Variants in LRRIQ1 observed in about 807,000 individuals in gnomAD.
The protein encoded by LRRIQ1 is leucine-rich repeat- and IQ domain-containing protein 1.
A neutral mutation model predicts 211.9 loss-of-function variants in LRRIQ1; 210 were observed. The observed-to-expected ratio is 0.99, with a 90% CI of 0.89 to 1.11. The LOEUF (loss-of-function observed/expected upper bound fraction) is 1.11, where lower values mean the gene tolerates loss of function less well. LRRIQ1 is among the 50% of genes most tolerant of loss of function. LRRIQ1 has a pLI of 0.00. For synonymous variants in LRRIQ1, 699 were observed against 650.1 expected, an observed-to-expected ratio of 1.08 and a Z score of -1.14; for missense variants, 2,136 against 1,939.5, an observed-to-expected ratio of 1.10 and a Z score of -1.90.
chr12:85,259,839 C>T (rs896223417), intron 1 of LRRIQ1, among the ~76,000 whole-genome samples: 8 of 151,954 alleles, frequency 5.3e-5, no homozygotes, highest in Middle Eastern at 6.9e-3. Flanking sequence ...TATAGGTTTA[C>T]GTTGTGAGTA....
chr12:85,130,481 T>G (rs1251244065), intron 18 of LRRIQ1, among the ~76,000 whole-genome samples: 1 of 152,210 alleles, frequency 6.6e-6, no homozygotes, highest in Admixed American at 6.5e-5. Context: ...GTTCATTACC[T>G]TATGAAGTAG....
At chr12:85,044,667 G>A in intron 3 of LRRIQ1, 51 bp from the exon 4 acceptor site, 1 of 895,328 alleles carries the variant, frequency 1.1e-6, no homozygotes, top group Non-Finnish European at 1.7e-6. Flanking sequence ...ATTTTGAGAT[G>A]TTGTATTGTA....
At chr12:85,081,705 C>CCTTTATT (rs1303758090) in intron 11 of LRRIQ1, among the ~76,000 whole-genome samples, 1 of 146,402 alleles carries the variant, frequency 6.8e-6, no homozygotes, top group African/African-American at 2.5e-5. Context: ...ATTTTTATGC[C>CCTTTATT]CTTTATTTCT....
chr12:85,047,430 A>T lies in LRRIQ1; in HGVS notation c.638A>T (p.Gln213Leu), dbSNP rs1293414664. The change falls in exon 6 of 27, where the codon CAA (glutamine) becomes CTA (leucine). Residue 213 changes from glutamine (Q) to leucine (L), a missense_variant. By Grantham distance (113) the Gln-to-Leu change is moderately radical (BLOSUM62 -2). Coordinates refer to ENST00000393217, the MANE Select transcript of LRRIQ1 (RefSeq NM_001079910.2). Reference sequence around the variant, plus strand: ...GAAAAGCGACATTGCTGGATGAAACAATTTAAAGTTGAAAAGAAGAAATTA... The same window carrying T: ...GAAAAGCGACATTGCTGGATGAAACTATTTAAAGTTGAAAAGAAGAAATTA... Reference protein sequence around the residue: ...EEEKRHCWMKQFKVEKKKLEN... With the variant: ...EEEKRHCWMKLFKVEKKKLEN... 6.2e-7 allele frequency: 1 copy of T among 1,613,104 alleles called. No individual in the cohort carries two copies. Among genetic ancestry groups the T allele is most frequent in the Non-Finnish European group, 8.5e-7 (1 of 1,179,576 alleles).
intron 24 of LRRIQ1, among the ~76,000 whole-genome samples, chr12:85,219,754 G>C (rs1894311986): frequency 6.6e-6 from 1 of 151,792 alleles, no homozygotes; most frequent in Non-Finnish European, 1.5e-5. Flanking sequence ...CATTTTTTCT[G>C]AGTGATCAAT....
intron 24 of LRRIQ1, among the ~76,000 whole-genome samples, chr12:85,188,840 C>A (rs1892352889): frequency 1.3e-5 from 2 of 152,086 alleles, no homozygotes; most frequent in African/African-American, 4.8e-5. Flanking sequence ...GCTTAAAGTT[C>A]TTTACTATCA....
At chr12:85,116,701 T>C (rs1887607926) in intron 15 of LRRIQ1, among the ~76,000 whole-genome samples, 1 of 152,124 alleles carries the variant, frequency 6.6e-6, no homozygotes, top group Non-Finnish European at 1.5e-5. Flanking sequence ...TTCCTCTCCC[T>C]CCTCCCACAC....
chr12:85,151,152 T>A lies in LRRIQ1; in HGVS notation c.4330-1128T>A, dbSNP rs578183159. Among the ~76,000 whole-genome samples, 4 of 151,598 alleles carry A rather than the reference T, an allele frequency of 2.6e-5. No individual in the cohort carries two copies. In the South Asian group the frequency reaches 6.2e-4, roughly 24 times the overall value. On this transcript the variant is annotated intron_variant, in intron 19 of 26. Coordinates refer to ENST00000393217, the MANE Select transcript of LRRIQ1 (RefSeq NM_001079910.2). The stretch of plus-strand genomic sequence containing the variant: ...ACTATGATATATATATATATGTATA[T>A]GTTAATATTCGCTACCTAGAAGAAA...
At chr12:85,071,130 G>T (rs2136097903) in intron 10 of LRRIQ1, among the ~76,000 whole-genome samples, 1 of 151,908 alleles carries the variant, frequency 6.6e-6, no homozygotes, top group South Asian at 2.1e-4. Context: ...GCATACTCAA[G>T]ATATTGTGCA....
At chr12:85,197,578 A>G (rs1164817087) in intron 24 of LRRIQ1, among the ~76,000 whole-genome samples, 1 of 151,276 alleles carries the variant, frequency 6.6e-6, no homozygotes, top group Non-Finnish European at 1.5e-5. Context: ...TATCGCAAGA[A>G]CAAAAAACCA....
chr12:85,091,798 A>T (rs1181070848), intron 11 of LRRIQ1, among the ~76,000 whole-genome samples: 1 of 152,194 alleles, frequency 6.6e-6, no homozygotes, highest in African/African-American at 2.4e-5. Flanking sequence ...GTTAAATATT[A>T]GATAATTGTA....
At chr12:85,045,086 A>G (rs1879379789) in intron 4 of LRRIQ1, among the ~76,000 whole-genome samples, 1 of 151,948 alleles carries the variant, frequency 6.6e-6, no homozygotes, top group African/African-American at 2.4e-5. Flanking sequence ...ACTATATTAC[A>G]CAAATTTTGT....
chr12:85,243,622 T>A (rs1407198939), intron 26 of LRRIQ1, among the ~76,000 whole-genome samples: 1 of 151,290 alleles, frequency 6.6e-6, no homozygotes, highest in Non-Finnish European at 1.5e-5. Flanking sequence ...ATATATATAT[T>A]TTAAAACATT....
intron 24 of LRRIQ1, among the ~76,000 whole-genome samples, chr12:85,192,779 A>G (rs1247899352): frequency 5.7e-4 from 32 of 56,566 alleles, no homozygotes; most frequent in Admixed American, 7.1e-4. Context: ...CTATAATTAT[A>G]TATAAATATA....
At position 85,262,009 on chromosome 12, in the gene LRRIQ1, C is replaced by T. The variant is rs573096007; in HGVS notation, c.122-906C>T. Among the ~76,000 whole-genome samples the T allele has an allele frequency of 7.2e-5, 11 of 152,076 alleles. 1 individual carries two copies. In the South Asian group the frequency reaches 1.5e-3, roughly 20 times the overall value. ...TTCGCCATGTTGGTCAGGCTGGTCTCGAACTCCTGACCTCAAGTGATCCGC... is the reference window on the plus strand; with the variant it reads ...TTCGCCATGTTGGTCAGGCTGGTCTTGAACTCCTGACCTCAAGTGATCCGC... On this transcript the variant is annotated intron_variant, in intron 1 of 1. Coordinates refer to the LRRIQ1 transcript ENST00000602731.
intron 24 of LRRIQ1, among the ~76,000 whole-genome samples, chr12:85,182,166 C>A (rs916128671): frequency 1.3e-5 from 2 of 151,964 alleles, no homozygotes; most frequent in Non-Finnish European, 1.5e-5. Context: ...CCCTTTTGTA[C>A]CATTTCTTCA....
intron 24 of LRRIQ1, among the ~76,000 whole-genome samples, chr12:85,208,099 G>A (rs1446454933): frequency 1.3e-5 from 2 of 150,650 alleles, no homozygotes; most frequent in African/African-American, 2.4e-5. Flanking sequence ...CTATTTTGAG[G>A]TATATATATA....
rs780763158 is a variant in LRRIQ1, at chr12:85,066,799, GTTC to G, written c.2602_2604del (p.Leu868del). Reference sequence around the variant, plus strand: ...TGAAAATTTGGAAAATCTCTGTGTTGTTCTTCTTAATAAAAATCAACTGACTTC... The same window carrying G: ...TGAAAATTTGGAAAATCTCTGTGTTGTTCTTAATAAAAATCAACTGACTTC... On this transcript the variant is annotated inframe_deletion, in exon 10 of 27. Transcript: ENST00000393217. 22 of 1,600,498 alleles carry G rather than the reference GTTC, an allele frequency of 1.4e-5. No homozygotes were observed. The highest frequency in any genetic ancestry group is 8.9e-5 in the South Asian group (8 of 89,538).
intron 24 of LRRIQ1, among the ~76,000 whole-genome samples, chr12:85,193,030 TA>T (rs1340996376): frequency 1.9e-5 from 2 of 106,810 alleles, no homozygotes; most frequent in Admixed American, 1.4e-4. Context: ...ATATATTTAT[TA>T]TATTATATTT....
Sources: allele counts gnomAD v4.1 joint callset (sites outside exome capture counted in the v4.1 genomes callset), GRCh38; gene constraint gnomAD v4.1.1; transcripts MANE v1.5; gene names NCBI Gene and HGNC (gene_info 2026-07-23, HGNC 2026-07-21).